Variants in RBFOX1 observed in about 807,000 individuals in gnomAD.
The protein encoded by RBFOX1 is RNA binding protein fox-1 homolog 1.
Under a neutral mutation model 57.7 loss-of-function variants are expected in RBFOX1, and 8 were observed. The ratio of observed to expected loss-of-function variants is 0.14; its 90% CI spans 0.08 to 0.25. RBFOX1 has a LOEUF of 0.25. Ranked by LOEUF, RBFOX1 falls within the 10% of genes least tolerant of loss-of-function variation. RBFOX1 has a pLI of 1.00. For synonymous variants in RBFOX1, 326 were observed against 222.4 expected, an observed-to-expected ratio of 1.47 and a Z score of -4.15; for missense variants, 611 against 548.5, an observed-to-expected ratio of 1.11 and a Z score of -1.14.
chr16:7,174,489 C>G (rs991471012), intron 4 of RBFOX1, among the ~76,000 whole-genome samples: 27 of 152,088 alleles, frequency 1.8e-4, no homozygotes, highest in African/African-American at 6.0e-4. Flanking sequence ...GCTTAAGAAA[C>G]CACTAAACTG....
At chr16:5,931,424 G>A (rs2059053870) in intron 4 of RBFOX1, among the ~76,000 whole-genome samples, 1 of 152,100 alleles carries the variant, frequency 6.6e-6, no homozygotes, top group Non-Finnish European at 1.5e-5. Context: ...ACTTAAAGTG[G>A]GAGAAAAGTT....
At chr16:5,403,116 C>T (rs1245423720) in intron 1 of RBFOX1, among the ~76,000 whole-genome samples, 3 of 152,012 alleles carry the variant, frequency 2.0e-5, no homozygotes, top group African/African-American at 7.2e-5. Flanking sequence ...CTTTGGGGGC[C>T]CAGGCAGGCG....
At chr16:5,918,015 C>T (rs933489050) in intron 4 of RBFOX1, among the ~76,000 whole-genome samples, 5 of 152,182 alleles carry the variant, frequency 3.3e-5, no homozygotes, top group African/African-American at 1.2e-4. Context: ...GCTTGATCCT[C>T]GCCTTCTAAG....
At chr16:5,793,431 T>A (rs997420537) in intron 3 of RBFOX1, among the ~76,000 whole-genome samples, 1 of 152,254 alleles carries the variant, frequency 6.6e-6, no homozygotes, top group Non-Finnish European at 1.5e-5. Flanking sequence ...ATTCAGCCCG[T>A]TGGCATGGGT....
chr16:6,796,690 AAG>A (rs1650871681), intron 3 of RBFOX1, among the ~76,000 whole-genome samples: 2 of 152,274 alleles, frequency 1.3e-5, no homozygotes, highest in African/African-American at 2.4e-5. Flanking sequence ...ACCAATTGGT[AAG>A]AGATTCTTTT....
chr16:6,646,648 CT>C (rs750720444), intron 2 of RBFOX1, among the ~76,000 whole-genome samples: 3 of 151,938 alleles, frequency 2.0e-5, no homozygotes, highest in Non-Finnish European at 4.4e-5. Flanking sequence ...CTTATTTCAC[CT>C]GGTCAGAACG....
At chr16:5,644,536 G>A (rs1309952628) in intron 3 of RBFOX1, among the ~76,000 whole-genome samples, 1 of 152,210 alleles carries the variant, frequency 6.6e-6, no homozygotes, top group African/African-American at 2.4e-5. Flanking sequence ...TCTGACATGA[G>A]GAGTTAGTCT....
intron 3 of RBFOX1, among the ~76,000 whole-genome samples, chr16:6,706,225 C>T (rs17140975): frequency 0.085 from 12,865 of 152,208 alleles, 752 homozygotes; most frequent in African/African-American, 0.17. Flanking sequence ...TTCACAACAG[C>T]AGTGGCTTTC....
chr16:6,195,711 CT>C (rs1273490308), intron 1 of RBFOX1, among the ~76,000 whole-genome samples: 3 of 150,178 alleles, frequency 2.0e-5, no homozygotes, highest in African/African-American at 7.4e-5. Context: ...AAGGGAGAAA[CT>C]CTGTCTTTAA....
chr16:6,632,007 T>C (rs1482187201), intron 2 of RBFOX1, among the ~76,000 whole-genome samples: 2 of 152,132 alleles, frequency 1.3e-5, no homozygotes, highest in Non-Finnish European at 2.9e-5. Flanking sequence ...GGGTTTCAAA[T>C]AGAGAAATCA....
rs185598097 is a variant in RBFOX1, at chr16:5,408,309, G to A, written c.220-58907G>A. ...GTTTTAAGTGCTTGAACTCAGCTCC[G>A]CCACTGGATTTCCCAATTTCGTGTT... On this transcript the variant is annotated intron_variant, in intron 1 of 2. Coordinates refer to the RBFOX1 transcript ENST00000585867. Among the ~76,000 whole-genome samples, 500 of 152,310 alleles carry A rather than the reference G, an allele frequency of 3.3e-3. 4 individuals are homozygous for A. The highest frequency in any genetic ancestry group is 0.011 in the African/African-American group (458 of 41,556).
intron 1 of RBFOX1, among the ~76,000 whole-genome samples, chr16:6,108,353 A>G (rs1263487098): frequency 2.0e-5 from 3 of 152,054 alleles, no homozygotes; most frequent in Admixed American, 1.3e-4. Flanking sequence ...TCTGTTTCCT[A>G]TTCTGTGAAA....
intron 4 of RBFOX1, among the ~76,000 whole-genome samples, chr16:7,140,195 C>CTCTCTCTCTCT (rs2073358684): frequency 4.0e-5 from 3 of 74,666 alleles, no homozygotes; most frequent in African/African-American, 9.1e-5. Flanking sequence ...TCTCTCTCTC[C>CTCTCTCTCTCT]CTCCTTCTCC....
intron 11 of RBFOX1, among the ~76,000 whole-genome samples, chr16:7,631,548 C>A (rs1293024333): frequency 6.6e-6 from 1 of 152,152 alleles, no homozygotes; most frequent in East Asian, 1.9e-4. Flanking sequence ...CTGTTTTATA[C>A]AATGTGTGTA....
chr16:7,388,459 T>G (rs947668359), intron 4 of RBFOX1, among the ~76,000 whole-genome samples: 1 of 152,076 alleles, frequency 6.6e-6, no homozygotes, highest in African/African-American at 2.4e-5. Context: ...AAATATGGAT[T>G]TAAATTCTAC....
chr16:6,387,974 A>ATTTTT lies in RBFOX1; in HGVS notation c.-64+70937_-64+70941dup, dbSNP rs61603572. 2.4e-3 allele frequency among the ~76,000 whole-genome samples: 200 copies of ATTTTT among 84,118 alleles called. 9 individuals carry two copies. The highest frequency in any genetic ancestry group is 7.7e-3 in the African/African-American group (143 of 18,676). The allele number at this position is 84,118 out of a possible 152,430, so 55.2% of individuals were successfully genotyped here. On this transcript the variant is annotated intron_variant, in intron 2 of 15. Transcript: ENST00000550418. ...ACCAGTGACATGAAGTTTGTGGAAC[A>ATTTTT]TTTTTTTTTTTTTTTTTTTTTTTTG... is the stretch of plus-strand genomic sequence containing the variant.
chr16:6,625,262 T>G (rs1312697930), intron 2 of RBFOX1, among the ~76,000 whole-genome samples: 3 of 151,294 alleles, frequency 2.0e-5, no homozygotes, highest in Non-Finnish European at 2.9e-5. Context: ...GCAGTTGAGT[T>G]AAGTGCTAAA....
At chr16:7,113,345 A>C (rs569458048) in intron 4 of RBFOX1, among the ~76,000 whole-genome samples, 1 of 152,250 alleles carries the variant, frequency 6.6e-6, no homozygotes, top group Non-Finnish European at 1.5e-5. Context: ...TATAATGAAA[A>C]ACACTGTTTT....
In RBFOX1 at chr16:7,215,248, A is replaced by G. The variant is rs142735415; in HGVS notation, c.27+163150A>G. Among the ~76,000 whole-genome samples, 9 of 152,312 alleles carry G rather than the reference A, an allele frequency of 5.9e-5. No individual in the cohort carries two copies. In the East Asian group the frequency reaches 1.7e-3, roughly 29 times the overall value. On this transcript the variant is annotated intron_variant, in intron 4 of 15. Transcript: ENST00000550418. ...GTGTAAATTAGTTCAACCACTGTGG[A>G]AGAAAGTGTGGCAATTCCTGAAGGA...
Sources: allele counts gnomAD v4.1 joint callset (sites outside exome capture counted in the v4.1 genomes callset), GRCh38; gene constraint gnomAD v4.1.1; transcripts MANE v1.5; gene names NCBI Gene and HGNC (gene_info 2026-07-23, HGNC 2026-07-21).